RPP14: variants seen among roughly 807,000 people sequenced by gnomAD.
RPP14 encodes the protein ribonuclease P protein subunit p14.
In RPP14, 19 loss-of-function variants were observed where a neutral mutation model predicts 17.8. That is an observed-to-expected ratio of 1.07 (90% CI 0.74 to 1.57). The LOEUF (loss-of-function observed/expected upper bound fraction) is 1.57. Among genes scored for constraint, RPP14 ranks in the 40% most tolerant of loss-of-function variants. The pLI, the probability that RPP14 is intolerant of heterozygous loss-of-function variation, is 0.00. For missense variants in RPP14, 125 were observed against 140.8 expected (o/e 0.89, Z 0.57); for synonymous variants, 60 against 56.4 (o/e 1.06, Z -0.29).
Position 58,317,631 on chromosome 3 carries a change from C to T in RPP14, c.*135C>T. 1 of 732,540 alleles carries T rather than the reference C, an allele frequency of 1.4e-6. No individual in the cohort carries two copies. Among genetic ancestry groups the T allele is most frequent in the Non-Finnish European group, 2.4e-6 (1 of 410,650 alleles). 45.4% of individuals were successfully genotyped at this position (732,540 alleles called of 1,614,324 possible). On this transcript the variant is annotated 3_prime_UTR_variant, in exon 6 of 6. Coordinates refer to ENST00000295959, the MANE Select transcript of RPP14 (RefSeq NM_007042.6). ...TGCTGAAGATGTTCCCACTAATTTC[C>T]AGCCATCACCTTTGGTGGGGTGGGC...
intron 1 of RPP14, among the ~76,000 whole-genome samples, chr3:58,308,444 T>G: frequency 6.9e-6 from 1 of 145,834 alleles, no homozygotes; most frequent in East Asian, 2.4e-4. Flanking sequence ...CTACCATGCC[T>G]GGTTAATTTA....
chr3:58,312,787 G>T (rs561765914), intron 3 of RPP14, among the ~76,000 whole-genome samples: 1 of 151,838 alleles, frequency 6.6e-6, no homozygotes, highest in East Asian at 1.9e-4. Context: ...GTGGTGAAAC[G>T]CTTTCTCTAC....
rs1575548935 is a variant in RPP14, at chr3:58,317,703, C to T, written c.*207C>T. 1 of 704,306 alleles carries T rather than the reference C, an allele frequency of 1.4e-6. No individual in the cohort carries two copies. The highest frequency in any genetic ancestry group is 2.6e-6 in the Non-Finnish European group (1 of 385,234). The allele number at this position is 704,306 out of a possible 1,614,324, so 43.6% of individuals were successfully genotyped here. ...ACCTGCCAGTGCTGACCCTGCAGCA[C>T]TTTCAGCATATGCACATCAAAGTTG... is the stretch of plus-strand genomic sequence containing the variant. On this transcript the variant is annotated 3_prime_UTR_variant, in exon 6 of 6. Coordinates refer to ENST00000295959, the MANE Select transcript of RPP14 (RefSeq NM_007042.6).
intron 2 of RPP14, 25 bp from the exon 3 acceptor site, chr3:58,310,482 C>G (rs1553724360): frequency 7.3e-7 from 1 of 1,363,482 alleles, no homozygotes. Context: ...TTTAATATGA[C>G]TTTTTTTTTT....
At position 58,318,237 on chromosome 3, in the gene RPP14, G is replaced by C. The variant is rs2097490450; in HGVS notation, c.*741G>C. ...AGGCCCAGAAGCCCATCTTAGTTAG[G>C]GGAAGGGAGCAGGAAGAGGGTTGTT... On this transcript the variant is annotated 3_prime_UTR_variant, in exon 6 of 6. Coordinates refer to ENST00000295959, the MANE Select transcript of RPP14 (RefSeq NM_007042.6). The C allele has an allele frequency of 3.4e-6, 2 of 581,334 alleles. No homozygotes were observed. Among genetic ancestry groups the C allele is most frequent in the African/African-American group, 3.7e-5 (2 of 53,550 alleles). The allele number at this position is 581,334 out of a possible 1,614,324, so 36.0% of individuals were successfully genotyped here.
intron 3 of RPP14, among the ~76,000 whole-genome samples, chr3:58,314,635 T>C (rs2097486234): frequency 6.7e-6 from 1 of 149,826 alleles, no homozygotes; most frequent in African/African-American, 2.4e-5. Flanking sequence ...ACAGTGAGTA[T>C]GTAAAATGGT....
Position 58,316,450 on chromosome 3 carries a change from A to G in RPP14, c.163-65A>G, listed in dbSNP as rs1482091915. On this transcript the variant is annotated intron_variant, in intron 3 of 5. Transcript: ENST00000295959. ...AAAGCTCAAAACTCATTTGTTGTCA[A>G]AAGTTGACAAGCATTCAAGAATAAT... The G allele has an allele frequency of 1.1e-5, 16 of 1,444,608 alleles. No homozygotes were observed. The East Asian group carries it at 3.2e-4, about 29-fold the overall frequency. 89.5% of individuals were successfully genotyped at this position (1,444,608 alleles called of 1,614,324 possible).
chr3:58,311,336 C>G (rs1294944637), intron 3 of RPP14, among the ~76,000 whole-genome samples: 2 of 152,124 alleles, frequency 1.3e-5, no homozygotes, highest in African/African-American at 4.8e-5. Context: ...TGTATTTTTA[C>G]TAGAGACAGG....
At chr3:58,314,333 A>C (rs947699669) in intron 3 of RPP14, among the ~76,000 whole-genome samples, 2 of 152,214 alleles carry the variant, frequency 1.3e-5, no homozygotes, top group African/African-American at 4.8e-5. Context: ...CCAGGGTGAC[A>C]GAGAGAGACT....
At position 58,317,539 on chromosome 3, in the gene RPP14, T is replaced by C. The variant is rs2097489610; in HGVS notation, c.*43T>C. The stretch of plus-strand genomic sequence containing the variant: ...TTGGAAACGTTCATCCACTCTCATA[T>C]TTATTTTTTGGTGCCTGCATGTTTG... On this transcript the variant is annotated 3_prime_UTR_variant, in exon 6 of 6. Transcript: ENST00000295959. 1 of 1,369,518 alleles carries C rather than the reference T, an allele frequency of 7.3e-7. No homozygotes were observed. Among genetic ancestry groups the C allele is most frequent in the African/African-American group, 1.4e-5 (1 of 69,152 alleles). 84.8% of individuals were successfully genotyped at this position (1,369,518 alleles called of 1,614,324 possible).
chr3:58,316,922 G>C lies in RPP14; in HGVS notation c.247G>C (p.Val83Leu), dbSNP rs1332785599. 6.2e-7 allele frequency: 1 copy of C among 1,613,426 alleles called. No homozygotes were observed. Residue 83 changes from valine (V) to leucine (L), a missense_variant, in exon 5 of 6, where the codon GTC becomes CTC. Coordinates refer to ENST00000295959, the MANE Select transcript of RPP14 (RefSeq NM_007042.6). ...TTCTTGATCTTTCTGCAGTGGTCTTGTCAAATTGTGGAGCTCTTTGACCCT... is the reference window on the plus strand; with the variant it reads ...TTCTTGATCTTTCTGCAGTGGTCTTCTCAAATTGTGGAGCTCTTTGACCCT... Reference protein sequence around the residue: ...AILRICSSGLVKLWSSLTLLG... With the variant: ...AILRICSSGLLKLWSSLTLLG...
intron 3 of RPP14, among the ~76,000 whole-genome samples, chr3:58,311,481 G>A (rs2097482183): frequency 6.6e-6 from 1 of 152,110 alleles, no homozygotes; most frequent in Non-Finnish European, 1.5e-5. Flanking sequence ...TCTCACATAT[G>A]AGTGAGAACA....
At chr3:58,307,027 T>C (rs1018773249) in intron 1 of RPP14, among the ~76,000 whole-genome samples, 3 of 151,818 alleles carry the variant, frequency 2.0e-5, no homozygotes, top group Admixed American at 1.3e-4. Flanking sequence ...GGGGCAAGGG[T>C]GTGAGTCCGG....
chr3:58,310,542 C>T lies in RPP14; in HGVS notation c.113C>T (p.Ala38Val). Residue 38 changes from alanine (A) to valine (V), a missense_variant, in exon 3 of 6, where the codon GCA (alanine) becomes GTA (valine). Transcript: ENST00000295959. ...FQDCGVGLNAAQFKQLLISAV... is the reference protein window; with the variant it reads ...FQDCGVGLNAVQFKQLLISAV... ...GATTGTGGAGTTGGACTGAATGCTG[C>T]ACAGTTCAAACAGCTGCTTATTTCG... is the stretch of plus-strand genomic sequence containing the variant. 1.9e-6 allele frequency: 3 copies of T among 1,612,640 alleles called. No homozygotes were observed. Among genetic ancestry groups the T allele is most frequent in the South Asian group, 1.1e-5 (1 of 91,002 alleles).
chr3:58,308,764 G>T (rs1207815464), intron 1 of RPP14, among the ~76,000 whole-genome samples: 2 of 151,404 alleles, frequency 1.3e-5, no homozygotes, highest in South Asian at 4.2e-4. Context: ...TCCCTGTAGT[G>T]GGGGATCCAT....
intron 3 of RPP14, among the ~76,000 whole-genome samples, chr3:58,316,106 GCAAA>G (rs1055783992): frequency 8.5e-5 from 13 of 152,222 alleles, no homozygotes; most frequent in African/African-American, 2.4e-4. Flanking sequence ...TTATATAGCT[GCAAA>G]CAAACAGACA....
At chr3:58,307,811 C>T (rs190228161) in intron 1 of RPP14, 2 of 152,038 alleles carry the variant, frequency 1.3e-5, no homozygotes, top group South Asian at 2.1e-4. Flanking sequence ...TCCCAGGTAT[C>T]CTCTCCTTTA....
At chr3:58,313,827 T>C (rs1404990555) in intron 3 of RPP14, among the ~76,000 whole-genome samples, 1 of 151,994 alleles carries the variant, frequency 6.6e-6, no homozygotes, top group Non-Finnish European at 1.5e-5. Flanking sequence ...AAAAGATGAA[T>C]TACACACTGG....
In RPP14 at chr3:58,316,538, C is replaced by T; in HGVS notation, c.186C>T (p.Asp62=). 2 of 1,614,056 alleles carry T rather than the reference C, an allele frequency of 1.2e-6. No individual in the cohort carries two copies. The highest frequency in any genetic ancestry group is 1.7e-6 in the Non-Finnish European group (2 of 1,179,916). ...FGEVDAALPL[D]ILTYEEKTLS... ...AGGTTGATGCCGCCTTACCTTTGGA[C>T]ATCCTAACCTATGAAGAGAAGACCT... Residue 62 remains aspartate (D), a synonymous_variant, in exon 4 of 6, where the codon GAC becomes GAT. Coordinates refer to ENST00000295959, the MANE Select transcript of RPP14 (RefSeq NM_007042.6).
Sources: gnomAD v4.1 joint callset for allele counts (sites outside exome capture counted in the v4.1 genomes callset) on GRCh38, gnomAD v4.1.1 for gene constraint, MANE v1.5 for transcripts, NCBI Gene and HGNC (gene_info 2026-07-23, HGNC 2026-07-21) for gene names.